The following FDXR variants were observed in gnomAD, a reference collection of about 807,000 sequenced individuals.
FDXR encodes NADPH:adrenodoxin oxidoreductase, mitochondrial.
A neutral mutation model predicts 58.3 loss-of-function variants in FDXR; 38 were observed. The observed-to-expected ratio is 0.65, with a 90% CI of 0.50 to 0.85. The LOEUF (loss-of-function observed/expected upper bound fraction) is 0.85. Among genes scored for constraint, FDXR ranks in the 40% least tolerant of loss-of-function variants. The pLI is 0.00. For synonymous variants in FDXR, 275 were observed against 273.8 expected (o/e 1.00, Z -0.04); for missense variants, 624 against 671.0 (o/e 0.93, Z 0.77).
At chr17:74,864,381 C>T in intron 8 of FDXR, 34 bp from the exon 9 acceptor site, 2 of 1,592,204 alleles carry the variant, frequency 1.3e-6, no homozygotes, top group South Asian at 1.1e-5. Flanking sequence ...CAGGCTGTCC[C>T]TGGGCCCCGG....
chr17:74,864,615 T>C (rs762704784), intron 7 of FDXR, 51 bp from the exon 8 acceptor site: 326 of 1,549,366 alleles, frequency 2.1e-4, no homozygotes, highest in Non-Finnish European at 2.7e-4. Flanking sequence ...CAGAACACAG[T>C]CCACCTGAGC....
rs1314774736 is a variant in FDXR at position 74,862,534 on chromosome 17, A to C, written c.*283T>G. 2.7e-6 allele frequency: 1 copy of C among 364,918 alleles called. No individual in the cohort carries two copies. The highest frequency in any genetic ancestry group is 4.9e-6 in the Non-Finnish European group (1 of 203,436). 22.6% of individuals were successfully genotyped at this position (364,918 alleles called of 1,614,324 possible). On this transcript the variant is annotated 3_prime_UTR_variant, in exon 12 of 12. Transcript: ENST00000293195. ...CTGTTTTATTTCCAGCATGTTCCCAACCTGGTGACCCTCCACAGTCCAGCA... is the reference window on the plus strand; with the variant it reads ...CTGTTTTATTTCCAGCATGTTCCCACCCTGGTGACCCTCCACAGTCCAGCA...
At chr17:74,868,497 T>C (rs1277796552) in intron 2 of FDXR, 9 of 1,294,052 alleles carry the variant, frequency 7.0e-6, no homozygotes, top group Admixed American at 3.9e-5. Context: ...TGCCACAGCA[T>C]AAAGTTCAAA....
chr17:74,863,683 G>A (rs1235332425), intron 10 of FDXR, among the ~76,000 whole-genome samples: 1 of 152,210 alleles, frequency 6.6e-6, no homozygotes, highest in Admixed American at 6.5e-5. Context: ...TTTGTTGAAT[G>A]ACTTAATGAC....
intron 2 of FDXR, among the ~76,000 whole-genome samples, chr17:74,870,282 C>T (rs35832344): frequency 1.3e-5 from 2 of 152,114 alleles, no homozygotes; most frequent in South Asian, 2.1e-4. Context: ...TTTGGGAGGC[C>T]GAGGTGGGCA....
Position 74,864,342 on chromosome 17 carries a change from G to A in FDXR, c.808C>T (p.Pro270Ser). The change falls in exon 9 of 12, where the codon CCC becomes TCC. Residue 270 changes from proline (P) to serine (S), a missense_variant. Transcript: ENST00000293195. Reference protein sequence around the residue: ...LGLQDKIKEVPRPRKRLTELL... With the variant: ...LGLQDKIKEVSRPRKRLTELL... ...TCCGTCAGCCGCTTCCTCGGGCGGGGGACCTCTGTCAGCAACGTAGAATGT... is the reference window on the plus strand; with the variant it reads ...TCCGTCAGCCGCTTCCTCGGGCGGGAGACCTCTGTCAGCAACGTAGAATGT... 1.3e-6 allele frequency: 2 copies of A among 1,576,068 alleles called. No homozygotes were observed. The highest frequency in any genetic ancestry group is 1.7e-6 in the Non-Finnish European group (2 of 1,159,022).
At chr17:74,863,821 C>G in intron 10 of FDXR, 75 bp downstream of exon 10, 2 of 1,526,224 alleles carry the variant, frequency 1.3e-6, no homozygotes, top group South Asian at 2.5e-5. Context: ...GATGAATGAA[C>G]GCATGGCCCC....
In FDXR at chr17:74,866,865, G is replaced by A. The variant is rs770426066; in HGVS notation, c.189C>T (p.Ala63=). 2.5e-6 allele frequency: 4 copies of A among 1,613,896 alleles called. No homozygotes were observed. In the South Asian group the frequency reaches 4.4e-5, roughly 18 times the overall value. ...TAQHLLKHPQ[A]HVDIYEKQPV... ...GCTGTTTCTCGTAGATGTCCACGTG[G>A]GCCTGGGGGTGCTGCTGGGGAACAG... Residue 63 remains alanine (A), a synonymous_variant, in exon 3 of 12, where the codon GCC becomes GCT. Transcript: ENST00000293195.
rs555332221 is a variant in FDXR at position 74,865,044 on chromosome 17, G to T, written c.610-113C>A. 2.7e-6 allele frequency: 4 copies of T among 1,477,998 alleles called. No homozygotes were observed. In the African/African-American group the frequency reaches 4.2e-5, roughly 15 times the overall value. The allele number at this position is 1,477,998 out of a possible 1,614,324, so 91.6% of individuals were successfully genotyped here. A position where few individuals can be genotyped will look rare whatever the true frequency, so the allele number is the denominator to read the frequency against. On this transcript the variant is annotated intron_variant, in intron 6 of 11. Coordinates refer to ENST00000293195, the MANE Select transcript of FDXR (RefSeq NM_024417.5). ...GAGAAGGCTGGCGGCTCAAAATTGC[G>T]CCACTGCTCCCCCCTGGTGGCCAGA...
In FDXR at chr17:74,864,877, T is replaced by TCTTCA. The variant is rs1359704575; in HGVS notation, c.659_663dup (p.Thr222Ter). Reference sequence around the variant, plus strand: ...CCACGCCGGCCCACTAGCCACACTGTCTTCACTCGACTCTGCCTCAGTACA... The same window carrying TCTTCA: ...CCACGCCGGCCCACTAGCCACACTGTCTTCACTTCACTCGACTCTGCCTCAGTACA... On this transcript the variant is annotated stop_gained and frameshift_variant, in exon 7 of 12. Transcript: ENST00000293195. LOFTEE classifies it high-confidence loss of function. The TCTTCA allele has an allele frequency of 5.0e-6, 8 of 1,614,048 alleles. No homozygotes were observed. The highest frequency in any genetic ancestry group is 5.9e-6 in the Non-Finnish European group (7 of 1,180,014).
chr17:74,867,784 C>T (rs1172391907), intron 2 of FDXR, among the ~76,000 whole-genome samples: 2 of 152,096 alleles, frequency 1.3e-5, no homozygotes, highest in African/African-American at 4.8e-5. Context: ...CACCAACCAG[C>T]CACATGATCC....
In FDXR at chr17:74,864,075, GGA is replaced by G. The variant is rs1491141275; in HGVS notation, c.1003-10_1003-9del. 3.7e-6 allele frequency: 6 copies of G among 1,613,632 alleles called. No individual in the cohort carries two copies. Among genetic ancestry groups the G allele is most frequent in the Non-Finnish European group, 5.1e-6 (6 of 1,180,034 alleles). ...GGTGGCCTCATCGACACCCTGTTGG[GGA>G]GAGTGTGGGCAACACCAGGCGGGTG... is the stretch of plus-strand genomic sequence containing the variant. On this transcript the variant is annotated splice_polypyrimidine_tract_variant and intron_variant, in intron 9 of 11. Transcript: ENST00000293195.
Position 74,872,154 on chromosome 17 carries a change from G to A in FDXR, c.80-21C>T, listed in dbSNP as rs767032038. The A allele has an allele frequency of 7.5e-6, 12 of 1,603,588 alleles. No individual in the cohort carries two copies. The South Asian group carries it at 1.2e-4, about 16-fold the overall frequency. On this transcript the variant is annotated intron_variant, in intron 1 of 11. Coordinates refer to ENST00000293195, the MANE Select transcript of FDXR (RefSeq NM_024417.5). ...GAAGCCTGGGGCCAGGCAGAGGAGAGGGAAAAGGTCAAAATTAACTTCTCT... is the reference window on the plus strand; with the variant it reads ...GAAGCCTGGGGCCAGGCAGAGGAGAAGGAAAAGGTCAAAATTAACTTCTCT...
rs143778881 is a variant in FDXR at position 74,866,179 on chromosome 17, G to A, written c.459C>T (p.Ser153=). ...IPGEELPGVC[S]ARAFVGWYNG... Reference sequence around the variant, plus strand: ...TGTACCAGCCCACGAAGGCCCGGGCGGAGCACACACCTGGCAGCTCCTCAC... The same window carrying A: ...TGTACCAGCCCACGAAGGCCCGGGCAGAGCACACACCTGGCAGCTCCTCAC... The change falls in exon 5 of 12, where the codon TCC becomes TCT. Residue 153 remains serine, a synonymous_variant. Transcript: ENST00000293195. 182 of 1,613,878 alleles carry A rather than the reference G, an allele frequency of 1.1e-4. No individual in the cohort carries two copies. Among genetic ancestry groups the A allele is most frequent in the Middle Eastern group, 8.3e-4 (5 of 6,036 alleles).
At chr17:74,865,614 A>T in intron 6 of FDXR, 105 bp downstream of exon 6, 1 of 733,298 alleles carries the variant, frequency 1.4e-6, no homozygotes, top group Non-Finnish European at 2.3e-6. Flanking sequence ...AAACAGAGGC[A>T]CTGAGCCCAG....
chr17:74,872,705 A>C, intron 1 of FDXR, 161 bp downstream of exon 1: 1 of 1,460,968 alleles, frequency 6.8e-7, no homozygotes, highest in South Asian at 1.3e-5. Context: ...TCACGCACAG[A>C]TCTCCGCCCA....
rs2038061750 is a variant in FDXR at position 74,863,840 on chromosome 17, C to A, written c.1174+56G>T. On this transcript the variant is annotated intron_variant, in intron 10 of 11. Transcript: ENST00000293195. ...AATGAACGCATGGCCCCAGGAGATA[C>A]CAGCTTCTCGGCCTCTCACCATAAT... 1.3e-5 allele frequency: 20 copies of A among 1,567,950 alleles called. No individual in the cohort carries two copies. In the East Asian group the frequency reaches 4.5e-4, roughly 35 times the overall value.
chr17:74,863,006 TCCCAAAGAGTGAGG>T, intron 11 of FDXR, 56 bp downstream of exon 11: 17 of 1,602,324 alleles, frequency 1.1e-5, no homozygotes, highest in Non-Finnish European at 1.4e-5. Flanking sequence ...AACAGCCCCC[TCCCAAAGAGTGAGG>T]CCCAGAGAAG....
At chr17:74,871,048 C>T (rs965678293) in intron 2 of FDXR, among the ~76,000 whole-genome samples, 10 of 152,166 alleles carry the variant, frequency 6.6e-5, no homozygotes, top group Non-Finnish European at 1.3e-4. Flanking sequence ...AGTGATCCAC[C>T]TGCCTTGGCC....
Sources: gnomAD v4.1 joint callset for allele counts (sites outside exome capture counted in the v4.1 genomes callset) on GRCh38, gnomAD v4.1.1 for gene constraint, MANE v1.5 for transcripts, NCBI Gene and HGNC (gene_info 2026-07-23, HGNC 2026-07-21) for gene names.